The following RBFOX3 variants were observed in gnomAD, a reference collection of about 807,000 sequenced individuals.
The protein encoded by RBFOX3 is RNA binding fox-1 homolog 3.
A neutral mutation model predicts 48.7 loss-of-function variants in RBFOX3; 17 were observed. The ratio of observed to expected loss-of-function variants is 0.35; its 90% confidence interval spans 0.24 to 0.52. The LOEUF is 0.52. Ranked by LOEUF, RBFOX3 falls within the 20% of genes least tolerant of loss-of-function variation. The probability of loss-of-function intolerance (pLI) is 0.94; values close to 1 mark genes in which losing one functional copy is unlikely to be tolerated. For synonymous variants in RBFOX3, 212 were observed against 209.5 expected (o/e 1.01, Z -0.10); for missense variants, 382 against 497.5 (o/e 0.77, Z 2.21).
At chr17:79,167,714 A>G (rs2048309848) in intron 4 of RBFOX3, among the ~76,000 whole-genome samples, 1 of 152,082 alleles carries the variant, frequency 6.6e-6, no homozygotes. Context: ...TCCTCGCTTT[A>G]AATTCTCCCC....
At position 79,361,007 on chromosome 17, in the gene RBFOX3, C is replaced by T. The variant is rs373759364; in HGVS notation, c.-174-53183G>A. ...CGGGTTATTTCTGCTGAATGCCGCA[C>T]CGTGCCTGGGAAGAACATCAGCTTT... On this transcript the variant is annotated intron_variant, in intron 2 of 14. Transcript: ENST00000693108. The surrounding 1 kb of genome is among the most constrained non-coding windows in gnomAD (Gnocchi z 4.5). Among the ~76,000 whole-genome samples, 4 of 152,092 alleles carry T rather than the reference C, an allele frequency of 2.6e-5. No individual in the cohort carries two copies. Among genetic ancestry groups the T allele is most frequent in the East Asian group, 3.9e-4 (2 of 5,168 alleles).
At chr17:79,469,881 A>G (rs1179176066) in intron 2 of RBFOX3, among the ~76,000 whole-genome samples, 1 of 152,152 alleles carries the variant, frequency 6.6e-6, no homozygotes, top group Non-Finnish European at 1.5e-5. Context: ...TGCACAAGGG[A>G]GAACGTGCAT....
At chr17:79,433,443 C>T (rs2068827435) in intron 2 of RBFOX3, among the ~76,000 whole-genome samples, 1 of 152,224 alleles carries the variant, frequency 6.6e-6, no homozygotes, top group African/African-American at 2.4e-5. Context: ...TGTATTACTC[C>T]ACCCTGTGAC....
intron 4 of RBFOX3, among the ~76,000 whole-genome samples, chr17:79,118,066 G>A: frequency 6.6e-6 from 1 of 152,046 alleles, no homozygotes; most frequent in South Asian, 2.1e-4. Flanking sequence ...GTGGAGCCTG[G>A]GCAACCCAGC....
chr17:79,625,905 G>A, the RBFOX3 span, among the ~76,000 whole-genome samples: 125,257 of 152,248 alleles, frequency 0.82, 54,751 homozygotes, highest in Non-Finnish European at 0.99. Context: ...GGGAGGCAGC[G>A]CCCCTTACCA....
chr17:79,162,919 G>C (rs1222539332), intron 4 of RBFOX3, among the ~76,000 whole-genome samples: 1 of 152,204 alleles, frequency 6.6e-6, no homozygotes, highest in Non-Finnish European at 1.5e-5. Flanking sequence ...GCAGTTTTCA[G>C]AACATCCTCC....
rs1463049113 is a variant in RBFOX3 at position 79,115,682 on chromosome 17, G to T, written c.34C>A (p.Pro12Thr). 3 of 1,030,538 alleles carry T rather than the reference G, an allele frequency of 2.9e-6. No homozygotes were observed. The highest frequency in any genetic ancestry group is 1.6e-5 in the African/African-American group (1 of 61,396). The allele number at this position is 1,030,538 out of a possible 1,614,324, so 63.8% of individuals were successfully genotyped here. A position where few individuals can be genotyped will look rare whatever the true frequency, so the allele number is the denominator to read the frequency against. ...AQPYPPAQYPPPPQNGIPAEY... is the reference protein window; with the variant it reads ...AQPYPPAQYPTPPQNGIPAEY... ...GCAGGGATGCCGTTCTGTGGCGGAG[G>T]GGGGTACTGGGCGGGGGGGTAGGGC... is the stretch of plus-strand genomic sequence containing the variant. Residue 12 changes from proline to threonine, a missense_variant, in exon 5 of 15, where the codon CCT becomes ACT. Pro to Thr is a conservative substitution (Grantham distance 38). Coordinates refer to ENST00000693108, the MANE Select transcript of RBFOX3 (RefSeq NM_001350451.2).
chr17:79,373,035 T>A (rs935966540), intron 2 of RBFOX3, among the ~76,000 whole-genome samples: 4 of 152,144 alleles, frequency 2.6e-5, no homozygotes, highest in Admixed American at 6.5e-5. Flanking sequence ...TTTATCTCAC[T>A]CCTCGGAAGA....
intron 4 of RBFOX3, among the ~76,000 whole-genome samples, chr17:79,138,294 A>G (rs1286485919): frequency 1.3e-5 from 2 of 152,072 alleles, no homozygotes; most frequent in African/African-American, 2.4e-5. Context: ...CACACAGTAC[A>G]CACTCGCACA....
intron 2 of RBFOX3, among the ~76,000 whole-genome samples, chr17:79,460,284 A>G (rs2075205800): frequency 6.6e-6 from 1 of 152,186 alleles, no homozygotes; most frequent in Non-Finnish European, 1.5e-5. Flanking sequence ...TCATTAAAAA[A>G]AAATGGGCCC....
intron 12 of RBFOX3, among the ~76,000 whole-genome samples, chr17:79,096,437 C>T (rs2075271298): frequency 6.6e-6 from 1 of 152,182 alleles, no homozygotes. Flanking sequence ...GGCCCATTAA[C>T]TGCTCCCTTG....
At chr17:79,349,608 G>A (rs771268091) in intron 2 of RBFOX3, among the ~76,000 whole-genome samples, 6 of 151,950 alleles carry the variant, frequency 3.9e-5, no homozygotes, top group Admixed American at 6.6e-5. Flanking sequence ...TGGTTTGTGC[G>A]ACTCCAGTCT....
chr17:79,518,838 C>T lies in RBFOX3; in HGVS notation c.-319-36240G>A, dbSNP rs1033721488. Among the ~76,000 whole-genome samples the T allele has an allele frequency of 1.8e-3, 279 of 152,374 alleles. 7 individuals carry two copies. In the Middle Eastern group the frequency reaches 0.02, roughly 11 times the overall value. ...CTAGCTCTGGGCCCACAGAGGCTCG[C>T]TCCAGCTTTCCTGCTTTCAAGAGAA... On this transcript the variant is annotated intron_variant, in intron 1 of 14. Transcript: ENST00000693108.
At chr17:79,464,507 G>A (rs1053305508) in intron 2 of RBFOX3, among the ~76,000 whole-genome samples, 4 of 152,210 alleles carry the variant, frequency 2.6e-5, no homozygotes, top group South Asian at 4.1e-4. Flanking sequence ...GAGGACAGGC[G>A]ACAGATTCCC....
chr17:79,174,698 GCACA>G (rs934206140), intron 4 of RBFOX3, among the ~76,000 whole-genome samples: 6 of 150,452 alleles, frequency 4.0e-5, no homozygotes, highest in African/African-American at 9.8e-5. Flanking sequence ...ACATGCACTT[GCACA>G]CACACAGACA....
At chr17:79,372,563 C>A (rs528930299) in intron 2 of RBFOX3, among the ~76,000 whole-genome samples, 1 of 151,956 alleles carries the variant, frequency 6.6e-6, no homozygotes, top group Non-Finnish European at 1.5e-5. Context: ...CATTCTAAAT[C>A]CCCCCCAGAT....
At chr17:79,270,719 GT>G (rs1313334055) in intron 3 of RBFOX3, among the ~76,000 whole-genome samples, 1 of 152,234 alleles carries the variant, frequency 6.6e-6, no homozygotes, top group African/African-American at 2.4e-5. Context: ...TGGCGGCCCT[GT>G]TCCTCCTCCA....
intron 1 of RBFOX3, among the ~76,000 whole-genome samples, chr17:79,561,593 G>A (rs1470481644): frequency 6.6e-6 from 1 of 152,204 alleles, no homozygotes; most frequent in Non-Finnish European, 1.5e-5. Flanking sequence ...GAAAAGCGGT[G>A]CGTGTTGGTG....
intron 2 of RBFOX3, among the ~76,000 whole-genome samples, chr17:79,325,929 A>G (rs1367503040): frequency 6.6e-6 from 1 of 152,188 alleles, no homozygotes; most frequent in East Asian, 1.9e-4. Flanking sequence ...GGCATGATGG[A>G]CGATTATGGA....
Sources: allele counts gnomAD v4.1 joint callset (sites outside exome capture counted in the v4.1 genomes callset), GRCh38; gene constraint gnomAD v4.1.1; non-coding constraint Gnocchi (gnomAD v3.1); transcripts MANE v1.5; gene names NCBI Gene and HGNC (gene_info 2026-07-23, HGNC 2026-07-21).